The following MDFIC variants were observed in gnomAD, a reference collection of about 807,000 sequenced individuals.
MDFIC encodes MyoD family inhibitor domain containing, also known as myoD family inhibitor domain-containing protein.
A neutral mutation model predicts 23.2 loss-of-function variants in MDFIC; 17 were observed. The ratio of observed to expected loss-of-function variants is 0.73; its 90% CI spans 0.50 to 1.10. MDFIC has a LOEUF of 1.10. Among genes scored for constraint, MDFIC ranks in the 50% least tolerant of loss-of-function variants. MDFIC has a pLI of 0.00. For missense variants in MDFIC, 356 were observed against 316.6 expected, an observed-to-expected ratio of 1.12 and a Z score of -0.95; for synonymous variants, 120 against 115.2, an observed-to-expected ratio of 1.04 and a Z score of -0.27.
At chr7:114,933,219 A>G (rs965949382) in intron 2 of MDFIC, among the ~76,000 whole-genome samples, 14 of 150,998 alleles carry the variant, frequency 9.3e-5, no homozygotes, top group African/African-American at 3.4e-4. Context: ...GTGAATCATC[A>G]TTTAAAAAGG....
chr7:115,007,630 G>GTGTGTATATATATATATATATATA (rs369718965), intron 4 of MDFIC, among the ~76,000 whole-genome samples: 4 of 132,940 alleles, frequency 3.0e-5, no homozygotes, highest in African/African-American at 1.2e-4. Context: ...GCGTGTGTGT[G>GTGTGTATATATATATATATATATA]TATATATATA....
intron 3 of MDFIC, among the ~76,000 whole-genome samples, chr7:114,959,989 AG>A (rs796668478): frequency 2.5e-4 from 38 of 152,270 alleles, no homozygotes; most frequent in African/African-American, 8.9e-4. Context: ...ACCAGTGTAT[AG>A]TGAAAGACTA....
rs551915508 is a variant in MDFIC, at chr7:114,997,043, A to G, written c.493+17262A>G. 6.6e-5 allele frequency among the ~76,000 whole-genome samples: 10 copies of G among 152,304 alleles called. No individual in the cohort carries two copies. The East Asian group carries it at 1.5e-3, about 24-fold the overall frequency. ...AAAAGCAACTGAGAAATCCAGTAAG[A>G]TGAATGAGAAGTGACCATTGAAATT... is the stretch of plus-strand genomic sequence containing the variant. On this transcript the variant is annotated intron_variant, in intron 4 of 4. Coordinates refer to ENST00000393486, the MANE Select transcript of MDFIC (RefSeq NM_001166345.3).
At chr7:114,979,831 T>G (rs868056447) in intron 4 of MDFIC, 50 bp downstream of exon 4, 2 of 1,565,958 alleles carry the variant, frequency 1.3e-6, no homozygotes, top group Non-Finnish European at 1.8e-6. Context: ...TAAAATAATA[T>G]TTCCTGGTAA....
At position 114,961,295 on chromosome 7, in the gene MDFIC, T is replaced by C. The variant is rs559178528; in HGVS notation, c.218-18211T>C. On this transcript the variant is annotated intron_variant, in intron 3 of 4. Transcript: ENST00000393486. ...TTAGAGAACATGTTAGTTTTCATAT[T>C]CTCTTTTATTCCCTAGTTCTTTAAC... is the stretch of plus-strand genomic sequence containing the variant. Among the ~76,000 whole-genome samples the C allele has an allele frequency of 4.6e-5, 7 of 152,320 alleles. No individual in the cohort carries two copies. The South Asian group carries it at 1.5e-3, about 32-fold the overall frequency.
intron 2 of MDFIC, among the ~76,000 whole-genome samples, chr7:114,940,126 G>A (rs1036281692): frequency 6.6e-6 from 1 of 152,154 alleles, no homozygotes; most frequent in African/African-American, 2.4e-5. Context: ...ATAATGCTGA[G>A]TAAATGTTAC....
intron 2 of MDFIC, among the ~76,000 whole-genome samples, chr7:114,935,891 A>T (rs1051973857): frequency 6.6e-6 from 1 of 152,136 alleles, no homozygotes. Context: ...CACTGAAAGG[A>T]TACTGCCCTC....
intron 4 of MDFIC, chr7:115,014,449 T>A: frequency 7.8e-7 from 1 of 1,289,762 alleles, no homozygotes. Flanking sequence ...CTTTCCTACA[T>A]CTTTGGTTTT....
intron 3 of MDFIC, among the ~76,000 whole-genome samples, chr7:114,954,943 T>C (rs1792855950): frequency 6.6e-6 from 1 of 152,166 alleles, no homozygotes; most frequent in Admixed American, 6.5e-5. Context: ...ATAGTTCATG[T>C]TGACTCCCTT....
chr7:114,974,101 T>C (rs1011183952), intron 3 of MDFIC, among the ~76,000 whole-genome samples: 7 of 152,142 alleles, frequency 4.6e-5, no homozygotes, highest in African/African-American at 1.7e-4. Context: ...GTCTCCATAT[T>C]GAGGAAGATT....
At chr7:115,004,982 T>C (rs1370521567) in intron 4 of MDFIC, among the ~76,000 whole-genome samples, 1 of 152,258 alleles carries the variant, frequency 6.6e-6, no homozygotes, top group African/African-American at 2.4e-5. Context: ...AGTCAACTTA[T>C]ATTCCGCATT....
intron 3 of MDFIC, among the ~76,000 whole-genome samples, chr7:114,968,184 T>C (rs1238583468): frequency 1.3e-5 from 2 of 152,226 alleles, no homozygotes; most frequent in African/African-American, 2.4e-5. Flanking sequence ...GATGCTTATA[T>C]GTTAAGTAAC....
At chr7:114,933,992 A>G (rs535422456) in intron 2 of MDFIC, 1 of 152,318 alleles carries the variant, frequency 6.6e-6, no homozygotes, top group East Asian at 1.9e-4. Context: ...ATTCATACCT[A>G]CAGTCCTTGG....
rs1585096039 is a variant in MDFIC, at chr7:114,942,291, C to A, written c.111C>A (p.Asp37Glu). ...TTAATTCAGGAAAATGTGATAAAGA[C>A]AATACTGAGAAAGATATAACTCAAG... ...GSTAQGKCDK[D>E]NTEKDITQAT... Residue 37 changes from aspartate to glutamate, a missense_variant, in exon 3 of 5, where the codon GAC becomes GAA. Physicochemically the swap from Asp to Glu is conservative, Grantham distance 45. Coordinates refer to ENST00000393486, the MANE Select transcript of MDFIC (RefSeq NM_001166345.3). 2 of 1,542,334 alleles carry A rather than the reference C, an allele frequency of 1.3e-6. No homozygotes were observed. Among genetic ancestry groups the A allele is most frequent in the Middle Eastern group, 1.7e-4 (1 of 5,840 alleles).
chr7:115,003,836 T>A (rs1467304349), intron 4 of MDFIC, among the ~76,000 whole-genome samples: 1 of 152,194 alleles, frequency 6.6e-6, no homozygotes, highest in Non-Finnish European at 1.5e-5. Context: ...TGTTCTCTCC[T>A]CTTCCCTTTC....
intron 4 of MDFIC, among the ~76,000 whole-genome samples, chr7:114,997,678 C>T (rs1791364326): frequency 6.6e-6 from 1 of 150,878 alleles, no homozygotes; most frequent in Non-Finnish European, 1.5e-5. Context: ...AATCCAGGAG[C>T]CTGAGGCTGT....
In MDFIC at chr7:114,922,958, C is replaced by T; in HGVS notation, c.-76C>T. 1 of 1,579,154 alleles carries T rather than the reference C, an allele frequency of 6.3e-7. No homozygotes were observed. Reference sequence around the variant, plus strand: ...TCAGTTCCCTGCACCCAGCACCTCACAGCCCTTCCTCCGTGCGCCCTGCCG... The same window carrying T: ...TCAGTTCCCTGCACCCAGCACCTCATAGCCCTTCCTCCGTGCGCCCTGCCG... On this transcript the variant is annotated 5_prime_UTR_variant, in exon 2 of 5. The change creates a premature stop within an existing upstream ORF in the 5' untranslated region. Transcript: ENST00000393486.
intron 4 of MDFIC, chr7:115,014,342 T>C (rs1033921253): frequency 3.2e-5 from 41 of 1,263,378 alleles, no homozygotes; most frequent in Non-Finnish European, 3.5e-5. Flanking sequence ...AGTAGAGGGA[T>C]TCTGTCAATT....
chr7:114,992,382 CTA>C (rs56890680), intron 4 of MDFIC, among the ~76,000 whole-genome samples: 146,733 of 149,268 alleles, frequency 0.98, 72,144 homozygotes, highest in Middle Eastern at 1. Context: ...ACTTCCAACA[CTA>C]TGTTGAATAG....
Sources: gnomAD v4.1 joint callset for allele counts (sites outside exome capture counted in the v4.1 genomes callset) on GRCh38, gnomAD v4.1.1 for gene constraint, MANE v1.5 for transcripts, NCBI Gene and HGNC (gene_info 2026-07-23, HGNC 2026-07-21) for gene names.